The following ST3GAL3 variants were observed in gnomAD, a reference collection of about 807,000 sequenced individuals.
The protein encoded by ST3GAL3 is ST3 beta-galactoside alpha-2,3-sialyltransferase 3.
ST3GAL3 carries 21 observed loss-of-function variants against 50.1 expected under a neutral mutation model. That is an observed-to-expected ratio of 0.42 (90% CI 0.30 to 0.60). The LOEUF is 0.60. ST3GAL3 is among the 20% of genes least tolerant of loss of function. The pLI, the probability that ST3GAL3 is intolerant of heterozygous loss-of-function variation, is 0.19. For synonymous variants in ST3GAL3, 183 were observed against 190.0 expected, an observed-to-expected ratio of 0.96 and a Z score of 0.30; for missense variants, 353 against 489.4, an observed-to-expected ratio of 0.72 and a Z score of 2.63.
chr1:43,813,907 A>ACGCGCG (rs1558418105), intron 3 of ST3GAL3, among the ~76,000 whole-genome samples: 5 of 75,926 alleles, frequency 6.6e-5, no homozygotes, highest in African/African-American at 2.8e-4. Context: ...ACACACGCAC[A>ACGCGCG]CACACACACA....
intron 3 of ST3GAL3, among the ~76,000 whole-genome samples, chr1:43,810,040 G>A (rs1398240465): frequency 6.6e-6 from 1 of 150,438 alleles, no homozygotes; most frequent in African/African-American, 2.4e-5. Flanking sequence ...GAAACATAGA[G>A]TGAAACATTA....
intron 1 of ST3GAL3, chr1:43,720,458 A>G (rs1669864042): frequency 6.6e-6 from 1 of 152,164 alleles, no homozygotes; most frequent in African/African-American, 2.4e-5. Context: ...TAAAAAACAG[A>G]TTTATTTCTT....
At chr1:43,870,753 C>T (rs2072497926) in intron 5 of ST3GAL3, among the ~76,000 whole-genome samples, 1 of 151,996 alleles carries the variant, frequency 6.6e-6, no homozygotes, top group East Asian at 1.9e-4. Flanking sequence ...AGGCTTGAAG[C>T]TAGGGGGAGA....
In ST3GAL3 at chr1:43,902,299, G is replaced by A. The variant is rs749424794; in HGVS notation, c.744+2572G>A. Among the ~76,000 whole-genome samples, 67 of 152,336 alleles carry A rather than the reference G, an allele frequency of 4.4e-4. 1 individual carries two copies. Among genetic ancestry groups the A allele is most frequent in the Admixed American group, 1.8e-3 (28 of 15,310 alleles). Reference sequence around the variant, plus strand: ...GCCAAGGCCTGGCAGGGCAGGGCTGGAACAGGAATTAGGCCTCAGTCACAG... The same window carrying A: ...GCCAAGGCCTGGCAGGGCAGGGCTGAAACAGGAATTAGGCCTCAGTCACAG... On this transcript the variant is annotated intron_variant, in intron 9 of 11. Transcript: ENST00000347631.
At chr1:43,905,679 TCCCCCTCCTTCTGCCCCCCTTCCC>T (rs2079335508) in intron 9 of ST3GAL3, among the ~76,000 whole-genome samples, 1 of 27,816 alleles carries the variant, frequency 3.6e-5, no homozygotes, top group African/African-American at 1.5e-4. Flanking sequence ...CCACTGTTTC[TCCCCCTCCTTCTGCCCCCCTTCCC>T]ACCACTCTTC....
intron 5 of ST3GAL3, among the ~76,000 whole-genome samples, chr1:43,889,269 A>G (rs954862552): frequency 2.0e-5 from 3 of 152,114 alleles, no homozygotes; most frequent in African/African-American, 4.8e-5. Context: ...AAAAAAGGAT[A>G]CAATAAAACT....
At chr1:43,859,191 G>A (rs1438817488) in intron 5 of ST3GAL3, among the ~76,000 whole-genome samples, 2 of 152,122 alleles carry the variant, frequency 1.3e-5, no homozygotes, top group Non-Finnish European at 2.9e-5. Context: ...GCAGCATCAC[G>A]AAAAAAGGCC....
intron 2 of ST3GAL3, among the ~76,000 whole-genome samples, chr1:43,787,929 T>G (rs1333528997): frequency 6.6e-6 from 1 of 152,172 alleles, no homozygotes; most frequent in Non-Finnish European, 1.5e-5. Context: ...ACCTCAGTAA[T>G]TAAAGAGAAA....
At chr1:43,859,949 A>G (rs1187431473) in intron 5 of ST3GAL3, among the ~76,000 whole-genome samples, 2 of 152,128 alleles carry the variant, frequency 1.3e-5, no homozygotes, top group Admixed American at 6.5e-5. Context: ...TGCCAGCTAT[A>G]TGTTCACCCT....
intron 2 of ST3GAL3, among the ~76,000 whole-genome samples, chr1:43,763,456 T>C (rs1691318770): frequency 1.3e-5 from 2 of 152,214 alleles, no homozygotes; most frequent in Admixed American, 1.3e-4. Context: ...TGAGCAATAG[T>C]TGGCATGGAG....
rs76288151 is a variant in ST3GAL3 at position 43,749,067 on chromosome 1, T to C, written c.118+12687T>C. ...AATAGACCATGCATATGTAGTCAAT[T>C]GAATTTTGATAAAAGTAATAACATA... On this transcript the variant is annotated intron_variant, in intron 2 of 11. Transcript: ENST00000347631. Among the ~76,000 whole-genome samples, 630 of 152,338 alleles carry C rather than the reference T, an allele frequency of 4.1e-3. 21 individuals carry two copies. The East Asian group carries it at 0.087, about 21-fold the overall frequency.
At chr1:43,823,566 A>T (rs1203819349) in intron 4 of ST3GAL3, among the ~76,000 whole-genome samples, 1 of 151,992 alleles carries the variant, frequency 6.6e-6, no homozygotes, top group African/African-American at 2.4e-5. Flanking sequence ...CCCATCCCCT[A>T]TTGGCGTTCC....
At chr1:43,838,171 T>C (rs1173648398) in intron 4 of ST3GAL3, 48 bp from the exon 5 acceptor site, 1 of 948,584 alleles carries the variant, frequency 1.1e-6, no homozygotes, top group Non-Finnish European at 1.6e-6. Flanking sequence ...AATAACCCAC[T>C]CAGTGCTCAG....
chr1:43,855,300 G>C (rs1044516969), intron 5 of ST3GAL3, among the ~76,000 whole-genome samples: 4 of 152,092 alleles, frequency 2.6e-5, no homozygotes, highest in Non-Finnish European at 4.4e-5. Flanking sequence ...GAACACCATA[G>C]TCCCAAATGC....
intron 2 of ST3GAL3, among the ~76,000 whole-genome samples, chr1:43,784,694 G>A (rs1012654091): frequency 6.6e-5 from 10 of 152,308 alleles, no homozygotes; most frequent in East Asian, 1.9e-4. Flanking sequence ...TGTTTGGTAA[G>A]TTAAATTAAT....
intron 9 of ST3GAL3, among the ~76,000 whole-genome samples, chr1:43,914,986 C>T (rs2081545597): frequency 6.6e-6 from 1 of 152,266 alleles, no homozygotes; most frequent in Admixed American, 6.5e-5. Context: ...CTTACGCACA[C>T]CCCACTTCTG....
chr1:43,732,065 A>G (rs960267473), intron 1 of ST3GAL3, among the ~76,000 whole-genome samples: 1 of 151,986 alleles, frequency 6.6e-6, no homozygotes, highest in Non-Finnish European at 1.5e-5. Context: ...CTACAGCTAG[A>G]TTTTTTTTCA....
At chr1:43,756,401 T>G (rs1378702657) in intron 2 of ST3GAL3, among the ~76,000 whole-genome samples, 1 of 152,196 alleles carries the variant, frequency 6.6e-6, no homozygotes, top group Non-Finnish European at 1.5e-5. Context: ...TTTATGTATG[T>G]GTACAACTTT....
chr1:43,718,754 C>T (rs1174116755), intron 1 of ST3GAL3, among the ~76,000 whole-genome samples: 1 of 120,116 alleles, frequency 8.3e-6, no homozygotes, highest in Non-Finnish European at 1.6e-5. Flanking sequence ...GTGGAGTGAT[C>T]TTGACTCACT....
Sources: gnomAD v4.1 joint callset for allele counts (sites outside exome capture counted in the v4.1 genomes callset) on GRCh38, gnomAD v4.1.1 for gene constraint, MANE v1.5 for transcripts, NCBI Gene and HGNC (gene_info 2026-07-23, HGNC 2026-07-21) for gene names.